LHFPL4: variants seen among roughly 807,000 people sequenced by gnomAD.
The protein encoded by LHFPL4 is LHFPL tetraspan subfamily member 4.
A neutral mutation model predicts 20.0 loss-of-function variants in LHFPL4; 6 were observed. The observed-to-expected ratio is 0.30, with a 90% CI of 0.16 to 0.59. The LOEUF (loss-of-function observed/expected upper bound fraction) is 0.59. Ranked by LOEUF, LHFPL4 falls within the 20% of genes least tolerant of loss-of-function variation. The pLI is 0.88. For missense variants in LHFPL4, 215 were observed against 331.2 expected (o/e 0.65, Z 2.72); for synonymous variants, 129 against 143.8 (o/e 0.90, Z 0.74).
intron 2 of LHFPL4, among the ~76,000 whole-genome samples, chr3:9,529,840 C>T (rs1356968933): frequency 6.6e-6 from 1 of 151,590 alleles, no homozygotes; most frequent in East Asian, 1.9e-4. Flanking sequence ...ACCATCTTGG[C>T]CATGCTGGTC....
At chr3:9,548,845 G>A (rs2046534632) in intron 2 of LHFPL4, among the ~76,000 whole-genome samples, 1 of 152,186 alleles carries the variant, frequency 6.6e-6, no homozygotes, top group Admixed American at 6.5e-5. Context: ...ATCTGGCTCA[G>A]CCCTGGAACG....
chr3:9,547,787 C>CTTTGTTTTCTTTTGT (rs1553649734), intron 2 of LHFPL4, among the ~76,000 whole-genome samples: 2 of 146,594 alleles, frequency 1.4e-5, no homozygotes, highest in Non-Finnish European at 3.0e-5. Flanking sequence ...GATTTTTGTT[C>CTTTGTTTTCTTTTGT]TTTGTTTTGT....
chr3:9,522,673 G>A (rs1198678908), intron 2 of LHFPL4, among the ~76,000 whole-genome samples: 2 of 151,142 alleles, frequency 1.3e-5, no homozygotes, highest in Admixed American at 6.6e-5. Flanking sequence ...AACCCAGGAG[G>A]TGGAGGCTGC....
Position 9,502,296 on chromosome 3 carries a change from G to C in LHFPL4, c.659C>G (p.Thr220Arg). Reference sequence around the variant, plus strand: ...CCCGGGCCGCAACACGGAGCTTACTGTAGAGCCCACAAAATCTAAGAGAGA... The same window carrying C: ...CCCGGGCCGCAACACGGAGCTTACTCTAGAGCCCACAAAATCTAAGAGAGA... ...KPENKDFVGS[T>R]VSSVLRPGGD... The change falls in exon 4 of 4, where the codon ACA becomes AGA. Residue 220 changes from threonine to arginine, a missense_variant. Coordinates refer to ENST00000287585, the MANE Select transcript of LHFPL4 (RefSeq NM_198560.3). The C allele has an allele frequency of 6.2e-7, 1 of 1,611,928 alleles. No individual in the cohort carries two copies. Among genetic ancestry groups the C allele is most frequent in the Non-Finnish European group, 8.5e-7 (1 of 1,178,080 alleles).
At chr3:9,509,084 C>A (rs1229044065) in intron 2 of LHFPL4, among the ~76,000 whole-genome samples, 1 of 152,208 alleles carries the variant, frequency 6.6e-6, no homozygotes, top group African/African-American at 2.4e-5. Context: ...CTGGCTCCTG[C>A]GGGCGGTCCT....
chr3:9,522,250 T>C (rs900530677), intron 2 of LHFPL4, among the ~76,000 whole-genome samples: 5 of 151,788 alleles, frequency 3.3e-5, no homozygotes, highest in African/African-American at 9.7e-5. Context: ...CGCCTTGGCC[T>C]CCCAAAGTGT....
At chr3:9,526,222 G>A (rs1008409402) in intron 2 of LHFPL4, among the ~76,000 whole-genome samples, 3 of 152,090 alleles carry the variant, frequency 2.0e-5, no homozygotes, top group Non-Finnish European at 2.9e-5. Context: ...GCCAGGGCTC[G>A]GGGGAGGGAG....
intron 2 of LHFPL4, among the ~76,000 whole-genome samples, chr3:9,533,511 G>A (rs12107962): frequency 0.019 from 2,860 of 152,300 alleles, 97 homozygotes; most frequent in African/African-American, 0.065. Flanking sequence ...GGCCGGGTGC[G>A]GTGGCTCACG....
chr3:9,527,027 G>A (rs1303629297), intron 2 of LHFPL4, among the ~76,000 whole-genome samples: 2 of 152,032 alleles, frequency 1.3e-5, no homozygotes, highest in South Asian at 2.1e-4. Context: ...AGGAGGGAGG[G>A]AAGGAGACAG....
At chr3:9,515,133 G>A (rs2046290478) in intron 2 of LHFPL4, among the ~76,000 whole-genome samples, 1 of 152,228 alleles carries the variant, frequency 6.6e-6, no homozygotes. Flanking sequence ...AGGAATGAGA[G>A]TTACTGTTGC....
intron 2 of LHFPL4, among the ~76,000 whole-genome samples, chr3:9,536,055 C>A (rs2046442440): frequency 6.6e-6 from 1 of 152,140 alleles, no homozygotes; most frequent in African/African-American, 2.4e-5. Context: ...CCCACCTCAC[C>A]CAAAGTGCTG....
At chr3:9,516,627 C>A (rs1013378697) in intron 2 of LHFPL4, among the ~76,000 whole-genome samples, 1 of 152,086 alleles carries the variant, frequency 6.6e-6, no homozygotes, top group African/African-American at 2.4e-5. Flanking sequence ...GCACACACCA[C>A]CAAGCCTGGC....
Position 9,506,791 on chromosome 3 carries a change from G to A in LHFPL4, c.407-588C>T. On this transcript the variant is annotated intron_variant, in intron 2 of 3. Transcript: ENST00000287585. This position sits in a 1 kb window ranked among gnomAD's most constrained non-coding sequence, Gnocchi z 4.5. ...AGATGAGGTTTCACCATGTTGGCCA[G>A]GCTGGTCTCGAACTCCTAACCTCAA... 6.6e-6 allele frequency among the ~76,000 whole-genome samples: 1 copy of A among 152,126 alleles called. No individual in the cohort carries two copies. Among genetic ancestry groups the A allele is most frequent in the Non-Finnish European group, 1.5e-5 (1 of 68,020 alleles).
intron 2 of LHFPL4, among the ~76,000 whole-genome samples, chr3:9,526,110 T>G (rs569681832): frequency 6.6e-6 from 1 of 152,212 alleles, no homozygotes; most frequent in African/African-American, 2.4e-5. Flanking sequence ...TTGCTAGGTA[T>G]ATAAATAAGC....
rs2046217270 is a variant in LHFPL4, at chr3:9,506,257, C to T, written c.407-54G>A. ...CACGGTCAGGAAGGAAGAGAAAAGA[C>T]CATTACTCGCTAGTGTCCGCAGTCT... On this transcript the variant is annotated intron_variant, in intron 2 of 3. Coordinates refer to ENST00000287585, the MANE Select transcript of LHFPL4 (RefSeq NM_198560.3). The surrounding 1 kb of genome is among the most constrained non-coding windows in gnomAD (Gnocchi z 4.5). 6.9e-7 allele frequency: 1 copy of T among 1,447,572 alleles called. No homozygotes were observed. Among genetic ancestry groups the T allele is most frequent in the African/African-American group, 1.4e-5 (1 of 71,672 alleles). The allele number at this position is 1,447,572 out of a possible 1,614,324, so 89.7% of individuals were successfully genotyped here.
intron 2 of LHFPL4, among the ~76,000 whole-genome samples, chr3:9,509,576 A>G (rs187880193): frequency 1.6e-4 from 24 of 152,294 alleles, no homozygotes; most frequent in Admixed American, 1.4e-3. Context: ...CATAAATAGA[A>G]GAGTTACACA....
intron 2 of LHFPL4, among the ~76,000 whole-genome samples, chr3:9,540,158 G>A (rs565533073): frequency 6.6e-6 from 1 of 152,226 alleles, no homozygotes; most frequent in South Asian, 2.1e-4. Flanking sequence ...ATTAACTGAA[G>A]CATTATTATA....
chr3:9,532,012 C>T (rs982979256), intron 2 of LHFPL4, among the ~76,000 whole-genome samples: 2 of 152,052 alleles, frequency 1.3e-5, no homozygotes, highest in African/African-American at 4.8e-5. Flanking sequence ...GCATTTTATG[C>T]TGAGCTATTG....
rs2625890 is a variant in LHFPL4 at position 9,506,266 on chromosome 3, G to T, written c.407-63C>A. 7.5e-7 allele frequency: 1 copy of T among 1,329,908 alleles called. No homozygotes were observed. Among genetic ancestry groups the T allele is most frequent in the Non-Finnish European group, 1.1e-6 (1 of 926,444 alleles). 82.4% of individuals were successfully genotyped at this position (1,329,908 alleles called of 1,614,324 possible). On this transcript the variant is annotated intron_variant, in intron 2 of 3. Coordinates refer to ENST00000287585, the MANE Select transcript of LHFPL4 (RefSeq NM_198560.3). This position sits in a 1 kb window ranked among gnomAD's most constrained non-coding sequence, Gnocchi z 4.5. ...GAAGGAAGAGAAAAGACCATTACTC[G>T]CTAGTGTCCGCAGTCTGGGCCCCAC...
Sources: gnomAD v4.1 joint callset for allele counts (sites outside exome capture counted in the v4.1 genomes callset) on GRCh38, gnomAD v4.1.1 for gene constraint, Gnocchi (gnomAD v3.1) non-coding constraint, MANE v1.5 for transcripts, NCBI Gene and HGNC (gene_info 2026-07-23, HGNC 2026-07-21) for gene names.